TAS2R1: variants seen among roughly 807,000 people sequenced by gnomAD.
TAS2R1 encodes taste receptor type 2 member 1.
For missense variants in TAS2R1, 370 were observed against 353.4 expected, an observed-to-expected ratio of 1.05 and a Z score of -0.38; for synonymous variants, 141 against 134.2, an observed-to-expected ratio of 1.05 and a Z score of -0.35.
chr5:9,676,916 A>G (rs1016360239), intron 1 of TAS2R1, among the ~76,000 whole-genome samples: 4 of 152,196 alleles, frequency 2.6e-5, no homozygotes, highest in Non-Finnish European at 5.9e-5. Context: ...TTTTTACCCA[A>G]AGAAATATAA....
the TAS2R1 span, among the ~76,000 whole-genome samples, chr5:9,792,438 C>T: frequency 6.6e-6 from 1 of 152,080 alleles, no homozygotes; most frequent in South Asian, 2.1e-4. Flanking sequence ...GCTTTCTTCC[C>T]GTGTTATAAC....
intron 1 of TAS2R1, among the ~76,000 whole-genome samples, chr5:9,693,954 C>T (rs1030300925): frequency 1.3e-5 from 2 of 152,108 alleles, no homozygotes; most frequent in African/African-American, 4.8e-5. Flanking sequence ...AACGCAATAA[C>T]CCTCACCTCC....
the TAS2R1 span, among the ~76,000 whole-genome samples, chr5:9,790,599 G>T: frequency 5.9e-5 from 9 of 152,166 alleles, no homozygotes; most frequent in African/African-American, 1.9e-4. Flanking sequence ...CATTGTGTGT[G>T]TCTGTGTGTG....
At chr5:9,730,921 G>A in the TAS2R1 span, among the ~76,000 whole-genome samples, 1 of 152,072 alleles carries the variant, frequency 6.6e-6, no homozygotes, top group African/African-American at 2.4e-5. Flanking sequence ...GCCATTTAAG[G>A]GATGCCATTG....
At chr5:9,672,866 T>C (rs1309245880) in intron 1 of TAS2R1, among the ~76,000 whole-genome samples, 1 of 152,090 alleles carries the variant, frequency 6.6e-6, no homozygotes, top group Non-Finnish European at 1.5e-5. Context: ...GCAGCACTAG[T>C]CACAATAGCA....
At chr5:9,796,164 T>C in the TAS2R1 span, among the ~76,000 whole-genome samples, 1 of 152,194 alleles carries the variant, frequency 6.6e-6, no homozygotes. Flanking sequence ...TGTTTGAAGA[T>C]TGTAGGTTAA....
chr5:9,889,642 T>C, the TAS2R1 span: 3 of 152,200 alleles, frequency 2.0e-5, no homozygotes, highest in African/African-American at 7.2e-5. Context: ...GTGGAGCAGA[T>C]TGTGCTGGGG....
At chr5:9,782,561 T>C in the TAS2R1 span, among the ~76,000 whole-genome samples, 10 of 152,224 alleles carry the variant, frequency 6.6e-5, no homozygotes, top group African/African-American at 1.7e-4. Flanking sequence ...AAGACCCCTT[T>C]GCACCAAGCC....
At chr5:9,704,696 A>T (rs896550970) in intron 1 of TAS2R1, among the ~76,000 whole-genome samples, 6 of 152,246 alleles carry the variant, frequency 3.9e-5, no homozygotes, top group Admixed American at 2.6e-4. Context: ...AACTTATAAC[A>T]GAATGCAAAT....
At chr5:9,637,104 T>C (rs1739978446) in intron 2 of TAS2R1, among the ~76,000 whole-genome samples, 1 of 152,200 alleles carries the variant, frequency 6.6e-6, no homozygotes, top group Non-Finnish European at 1.5e-5. Flanking sequence ...TTTAAGCACT[T>C]TTTGTAGTGC....
chr5:9,666,937 A>G (rs181665176), intron 1 of TAS2R1, among the ~76,000 whole-genome samples: 11 of 152,336 alleles, frequency 7.2e-5, no homozygotes, highest in Admixed American at 2.0e-4. Flanking sequence ...ACAGAAAAGT[A>G]GAGATAGCGA....
the TAS2R1 span, among the ~76,000 whole-genome samples, chr5:9,721,349 G>A: frequency 2.4e-4 from 37 of 152,202 alleles, no homozygotes; most frequent in Non-Finnish European, 1.8e-4. Flanking sequence ...CTGGAGTCAG[G>A]TGGGTGTTCC....
chr5:9,672,246 T>C (rs1339273556), intron 1 of TAS2R1, among the ~76,000 whole-genome samples: 3 of 152,078 alleles, frequency 2.0e-5, no homozygotes, highest in Non-Finnish European at 4.4e-5. Context: ...GGTTTCATGA[T>C]GAAGATGCCA....
chr5:9,733,150 T>G, the TAS2R1 span, among the ~76,000 whole-genome samples: 1 of 152,242 alleles, frequency 6.6e-6, no homozygotes, highest in Non-Finnish European at 1.5e-5. Context: ...TCTAAATGAT[T>G]GTTCCGTGGA....
the TAS2R1 span, among the ~76,000 whole-genome samples, chr5:9,812,605 G>A: frequency 3.3e-5 from 5 of 152,114 alleles, no homozygotes; most frequent in African/African-American, 4.8e-5. Context: ...ACTACCTAGA[G>A]GTTACCTGCT....
chr5:9,737,787 T>G, the TAS2R1 span, among the ~76,000 whole-genome samples: 1 of 152,196 alleles, frequency 6.6e-6, no homozygotes, highest in Non-Finnish European at 1.5e-5. Flanking sequence ...CAATTAACCT[T>G]TTAATACACA....
the TAS2R1 span, among the ~76,000 whole-genome samples, chr5:9,806,323 C>G: frequency 6.6e-6 from 1 of 152,074 alleles, no homozygotes; most frequent in Non-Finnish European, 1.5e-5. Context: ...ACCATACAGC[C>G]AAAAGCAATC....
the TAS2R1 span, among the ~76,000 whole-genome samples, chr5:9,764,751 G>T: frequency 5.3e-5 from 8 of 152,150 alleles, no homozygotes; most frequent in African/African-American, 1.9e-4. Context: ...CATGGCACAG[G>T]ATACAGCAAT....
At chr5:9,661,999 C>T (rs185647972) in intron 1 of TAS2R1, among the ~76,000 whole-genome samples, 24 of 152,264 alleles carry the variant, frequency 1.6e-4, no homozygotes, top group African/African-American at 4.8e-4. Context: ...CTCATGTAGC[C>T]GCACCATGGG....
Sources: allele counts gnomAD v4.1 joint callset (sites outside exome capture counted in the v4.1 genomes callset), GRCh38; gene constraint gnomAD v4.1.1; transcripts MANE v1.5; gene names NCBI Gene and HGNC (gene_info 2026-07-23, HGNC 2026-07-21).